Variants in GLB1L2 observed in about 807,000 individuals in gnomAD.
GLB1L2 encodes the protein beta-galactosidase-1-like protein 2.
Under a neutral mutation model 84.1 loss-of-function variants are expected in GLB1L2, and 68 were observed. The ratio of observed to expected loss-of-function variants is 0.81; its 90% CI spans 0.67 to 0.99. The LOEUF is 0.99. GLB1L2 is among the 50% of genes least tolerant of loss of function. The pLI is 0.00. For synonymous variants in GLB1L2, 290 were observed against 318.0 expected, an observed-to-expected ratio of 0.91 and a Z score of 0.94; for missense variants, 762 against 805.6, an observed-to-expected ratio of 0.95 and a Z score of 0.66.
intron 1 of GLB1L2, 26 bp from the exon 2 acceptor site, chr11:134,342,728 G>T: frequency 3.7e-6 from 6 of 1,605,986 alleles, no homozygotes; most frequent in Non-Finnish European, 5.1e-6. Context: ...GAGCCTCCAG[G>T]CTCCAGAATG....
At chr11:134,361,637 A>G (rs2136281201) in intron 7 of GLB1L2, 1 of 152,448 alleles carries the variant, frequency 6.6e-6, no homozygotes, top group Admixed American at 6.5e-5. Flanking sequence ...ATGCTTTGCC[A>G]GAGATGTCGC....
intron 1 of GLB1L2, among the ~76,000 whole-genome samples, chr11:134,342,178 G>T (rs181810526): frequency 6.6e-6 from 1 of 152,106 alleles, no homozygotes; most frequent in Non-Finnish European, 1.5e-5. Flanking sequence ...GCTTTCTCGC[G>T]GACCGGAGCC....
intron 4 of GLB1L2, 71 bp downstream of exon 4, chr11:134,345,200 G>GAA: frequency 2.3e-5 from 30 of 1,285,964 alleles, no homozygotes; most frequent in East Asian, 5.4e-5. Context: ...GTTTGTTTCT[G>GAA]TGTTCCAGTT....
At position 134,371,066 on chromosome 11, in the gene GLB1L2, G is replaced by A; in HGVS notation, c.1274G>A (p.Gly425Glu). ...AACCTGCCAGTCAATGGGGGAAATG[G>A]ACAGTCCTTCGGGTACATTCTCTAT... ...MENLPVNGGN[G>E]QSFGYILYET... The change falls in exon 13 of 19, where the codon GGA becomes GAA. Residue 425 changes from glycine (G) to glutamate (E), a missense_variant. Transcript: ENST00000535456. 6.2e-7 allele frequency: 1 copy of A among 1,614,206 alleles called. No homozygotes were observed. The highest frequency in any genetic ancestry group is 8.5e-7 in the Non-Finnish European group (1 of 1,180,032).
intron 7 of GLB1L2, among the ~76,000 whole-genome samples, chr11:134,362,473 G>A (rs1025568815): frequency 2.0e-5 from 3 of 152,238 alleles, no homozygotes; most frequent in Admixed American, 6.5e-5. Context: ...AGCGCCGGGT[G>A]TGGGAGAGGC....
At position 134,338,211 on chromosome 11, in the gene GLB1L2, A is replaced by G. The variant is rs570275904; in HGVS notation, c.87-4543A>G. Among the ~76,000 whole-genome samples the G allele has an allele frequency of 1.3e-5, 2 of 152,316 alleles. No individual in the cohort carries two copies. The highest frequency in any genetic ancestry group is 3.9e-4 in the East Asian group (2 of 5,156). On this transcript the variant is annotated intron_variant, in intron 1 of 18. Transcript: ENST00000535456. This position sits in a 1 kb window ranked among gnomAD's most constrained non-coding sequence, Gnocchi z 6.2. Reference sequence around the variant, plus strand: ...TCATACTCTGCATGGCAGACCAGAAAGAGATGACTGTGACCCCAGTGAGGC... The same window carrying G: ...TCATACTCTGCATGGCAGACCAGAAGGAGATGACTGTGACCCCAGTGAGGC...
chr11:134,360,332 C>G (rs1043147350), intron 7 of GLB1L2: 1 of 152,370 alleles, frequency 6.6e-6, no homozygotes, highest in Non-Finnish European at 1.5e-5. Flanking sequence ...CCATGAATGG[C>G]GAGGAAAAGG....
At chr11:134,362,693 T>A (rs1591621222) in intron 7 of GLB1L2, among the ~76,000 whole-genome samples, 1 of 152,192 alleles carries the variant, frequency 6.6e-6, no homozygotes, top group African/African-American at 2.4e-5. Context: ...CGCCCTCCCC[T>A]CCACCTGCCA....
intron 5 of GLB1L2, among the ~76,000 whole-genome samples, chr11:134,352,649 CT>C (rs543898112): frequency 3.7e-3 from 499 of 133,350 alleles, no homozygotes; most frequent in African/African-American, 4.9e-3. Context: ...AATATGTCTT[CT>C]TTTTTTTTTT....
Position 134,370,677 on chromosome 11 carries a change from G to A in GLB1L2, c.1215+278G>A, listed in dbSNP as rs1373820268. On this transcript the variant is annotated intron_variant, in intron 12 of 18. Coordinates refer to ENST00000535456, the MANE Select transcript of GLB1L2 (RefSeq NM_001370461.1). This position sits in a 1 kb window ranked among gnomAD's most constrained non-coding sequence, Gnocchi z 4.7. ...TCCCTGAGGAACAGCGGCTGGCCCC[G>A]TGGGCCTTTCCTTCCTCCAGCCTCA... Among the ~76,000 whole-genome samples the A allele has an allele frequency of 6.6e-6, 1 of 152,106 alleles. No homozygotes were observed. The highest frequency in any genetic ancestry group is 1.9e-4 in the East Asian group (1 of 5,162).
intron 7 of GLB1L2, among the ~76,000 whole-genome samples, chr11:134,363,367 A>G (rs897553215): frequency 2.0e-5 from 3 of 152,220 alleles, no homozygotes. Context: ...GCAGCAGAGC[A>G]TCAGGGTGGC....
At position 134,370,131 on chromosome 11, in the gene GLB1L2, C is replaced by A. The variant is rs1273559969; in HGVS notation, c.1109-162C>A. Among the ~76,000 whole-genome samples the A allele has an allele frequency of 6.6e-6, 1 of 151,666 alleles. No homozygotes were observed. Among genetic ancestry groups the A allele is most frequent in the Non-Finnish European group, 1.5e-5 (1 of 68,038 alleles). On this transcript the variant is annotated intron_variant, in intron 11 of 18. Transcript: ENST00000535456. This position sits in a 1 kb window ranked among gnomAD's most constrained non-coding sequence, Gnocchi z 4.7. ...CGCCCTGGCTTTCCCCCAGGCCTGG[C>A]CTTCCTCCCTGGCCTCAGCAGGTGC... is the stretch of plus-strand genomic sequence containing the variant.
At chr11:134,374,856 T>C (rs1411803546) in intron 18 of GLB1L2, 116 bp from the exon 19 acceptor site, 34 of 1,197,788 alleles carry the variant, frequency 2.8e-5, no homozygotes, top group Non-Finnish European at 2.4e-6. Context: ...TGTTGGTCCC[T>C]GTCCCTTCCA....
chr11:134,367,903 CCATCCCGGCGAG>C (rs909700622), intron 9 of GLB1L2, among the ~76,000 whole-genome samples: 1 of 152,330 alleles, frequency 6.6e-6, no homozygotes, highest in African/African-American at 2.4e-5. Context: ...TAAGCGCACG[CCATCCCGGCGAG>C]CATCCCGGTG....
intron 15 of GLB1L2, 50 bp from the exon 16 acceptor site, chr11:134,373,671 A>G: frequency 7.9e-7 from 1 of 1,264,056 alleles, no homozygotes; most frequent in Non-Finnish European, 1.1e-6. Context: ...GGCCCAGCTG[A>G]CTCGGCCCCT....
At chr11:134,365,671 G>A (rs191149378) in intron 8 of GLB1L2, among the ~76,000 whole-genome samples, 12 of 152,292 alleles carry the variant, frequency 7.9e-5, no homozygotes, top group Non-Finnish European at 1.0e-4. Context: ...GTAGCCACGC[G>A]CGAGCCTTCC....
chr11:134,354,780 A>G (rs2136275462), intron 5 of GLB1L2, among the ~76,000 whole-genome samples: 1 of 152,296 alleles, frequency 6.6e-6, no homozygotes, highest in Non-Finnish European at 1.5e-5. Flanking sequence ...TTTTTCTGGC[A>G]TTCAAGAATC....
At position 134,334,436 on chromosome 11, in the gene GLB1L2, G is replaced by A. The variant is rs1943350614; in HGVS notation, c.86+2289G>A. ...TAGGATGACCAGGTTGACTTTTGGG[G>A]AGGATTTCAGTCTTAGAATTTTTAT... On this transcript the variant is annotated intron_variant, in intron 1 of 18. Coordinates refer to ENST00000535456, the MANE Select transcript of GLB1L2 (RefSeq NM_001370461.1). The surrounding 1 kb of genome is among the most constrained non-coding windows in gnomAD (Gnocchi z 4.1). Among the ~76,000 whole-genome samples the A allele has an allele frequency of 6.6e-6, 1 of 152,132 alleles. No individual in the cohort carries two copies. The highest frequency in any genetic ancestry group is 2.1e-4 in the South Asian group (1 of 4,824).
rs577419143 is a variant in GLB1L2, at chr11:134,342,431, G to GCCCGC, written c.87-308_87-304dup. On this transcript the variant is annotated intron_variant, in intron 1 of 18. Coordinates refer to ENST00000535456, the MANE Select transcript of GLB1L2 (RefSeq NM_001370461.1). ...CTGGCCACGGTGAAGCCCGTGCGGCGCCCGCCCCGCCCCGCCCCGGCCCCA... is the reference window on the plus strand; with the variant it reads ...CTGGCCACGGTGAAGCCCGTGCGGCGCCCGCCCCGCCCCGCCCCGCCCCGGCCCCA... Among the ~76,000 whole-genome samples the GCCCGC allele has an allele frequency of 7.4e-3, 1,119 of 151,890 alleles. 32 individuals are homozygous for GCCCGC. The highest frequency in any genetic ancestry group is 0.057 in the Admixed American group (876 of 15,250).
Sources: allele counts gnomAD v4.1 joint callset (sites outside exome capture counted in the v4.1 genomes callset), GRCh38; gene constraint gnomAD v4.1.1; non-coding constraint Gnocchi (gnomAD v3.1); transcripts MANE v1.5; gene names NCBI Gene and HGNC (gene_info 2026-07-23, HGNC 2026-07-21).